The following FMNL2 variants were observed in gnomAD, a reference collection of about 807,000 sequenced individuals.
FMNL2 encodes the protein formin like 2.
Under a neutral mutation model 130.2 loss-of-function variants are expected in FMNL2, and 51 were observed. That is an observed-to-expected ratio of 0.39 (90% CI 0.31 to 0.49). The LOEUF is 0.49. Among genes scored for constraint, FMNL2 ranks in the 20% least tolerant of loss-of-function variants. The probability of loss-of-function intolerance (pLI) is 0.85; values close to 1 mark genes in which losing one functional copy is unlikely to be tolerated. For missense variants in FMNL2, 977 were observed against 1,316.2 expected (o/e 0.74, Z 3.99); for synonymous variants, 465 against 467.1 (o/e 1.00, Z 0.06).
chr2:152,357,182 A>ATCAGTTTAATGTATCACGATAAACATTAC (rs1560293901), intron 1 of FMNL2, among the ~76,000 whole-genome samples: 1 of 22,288 alleles, frequency 4.5e-5, no homozygotes, highest in Admixed American at 8.4e-4. Context: ...ATAAATATTA[A>ATCAGTTTAATGTATCACGATAAACATTAC]ATCAGTTTAA....
At chr2:152,537,556 G>A (rs1480044417) in intron 2 of FMNL2, among the ~76,000 whole-genome samples, 1 of 152,148 alleles carries the variant, frequency 6.6e-6, no homozygotes, top group Admixed American at 6.5e-5. Context: ...ACCTGCTGGG[G>A]TACATCCTGT....
rs114164031 is a variant in FMNL2 at position 152,362,938 on chromosome 2, A to G, written c.117+27218A>G. On this transcript the variant is annotated intron_variant, in intron 1 of 25. Transcript: ENST00000288670. ...ATGTCAAAGAAGCCAGTCACAAAAG[A>G]TTACATATTACATGATTCCATTTAT... Among the ~76,000 whole-genome samples the G allele has an allele frequency of 2.6e-3, 391 of 152,312 alleles. 1 individual carries two copies. The highest frequency in any genetic ancestry group is 9.2e-3 in the African/African-American group (381 of 41,568).
At chr2:152,496,869 C>T (rs1691543597) in intron 1 of FMNL2, among the ~76,000 whole-genome samples, 1 of 151,050 alleles carries the variant, frequency 6.6e-6, no homozygotes, top group Non-Finnish European at 1.5e-5. Context: ...CAATTTCTTA[C>T]TTTTGGTACC....
intron 1 of FMNL2, among the ~76,000 whole-genome samples, chr2:152,473,198 G>T (rs556127263): frequency 6.6e-6 from 1 of 152,224 alleles, no homozygotes; most frequent in East Asian, 1.9e-4. Context: ...TTGCACATTT[G>T]TATATGTATG....
At chr2:152,557,048 G>A (rs895573843) in intron 4 of FMNL2, among the ~76,000 whole-genome samples, 1 of 152,058 alleles carries the variant, frequency 6.6e-6, no homozygotes, top group African/African-American at 2.4e-5. Flanking sequence ...TTGAGTTCCA[G>A]ACTTTAAGTC....
intron 2 of FMNL2, among the ~76,000 whole-genome samples, chr2:152,534,799 G>A (rs1307023133): frequency 6.6e-6 from 1 of 152,098 alleles, no homozygotes; most frequent in Non-Finnish European, 1.5e-5. Context: ...CATTGAACTA[G>A]AATAAATTCT....
intron 1 of FMNL2, among the ~76,000 whole-genome samples, chr2:152,451,328 T>G (rs1173604182): frequency 6.6e-6 from 1 of 152,058 alleles, no homozygotes; most frequent in Non-Finnish European, 1.5e-5. Context: ...TTTTGTATCT[T>G]TAGTAGATAC....
chr2:152,539,827 A>G (rs1694202538), intron 2 of FMNL2, among the ~76,000 whole-genome samples: 1 of 152,196 alleles, frequency 6.6e-6, no homozygotes, highest in Admixed American at 6.5e-5. Context: ...AAATGAGTGA[A>G]TGCTACTGCG....
At chr2:152,512,865 G>A (rs1692562144) in intron 1 of FMNL2, among the ~76,000 whole-genome samples, 2 of 152,226 alleles carry the variant, frequency 1.3e-5, no homozygotes, top group South Asian at 4.1e-4. Flanking sequence ...GTCAGGAAAA[G>A]ATGGAGGTGC....
At chr2:152,394,045 C>T (rs1442761957) in intron 1 of FMNL2, among the ~76,000 whole-genome samples, 3 of 152,036 alleles carry the variant, frequency 2.0e-5, no homozygotes, top group Admixed American at 6.6e-5. Context: ...GTTTGCTGAC[C>T]CTTGTAATAG....
rs1436065363 is a variant in FMNL2 at position 152,644,262 on chromosome 2, G to C, written c.3169+3348G>C. ...AAAACAAAACATACTGTTCTAAGTA[G>C]GTTTACAGATATTAACCTAGCCCTT... is the stretch of plus-strand genomic sequence containing the variant. On this transcript the variant is annotated intron_variant, in intron 25 of 25. Transcript: ENST00000288670. Among the ~76,000 whole-genome samples the C allele has an allele frequency of 3.3e-5, 5 of 152,262 alleles. No homozygotes were observed. In the East Asian group the frequency reaches 9.6e-4, roughly 29 times the overall value.
At chr2:152,482,506 C>T (rs1233320057) in intron 1 of FMNL2, among the ~76,000 whole-genome samples, 2 of 152,132 alleles carry the variant, frequency 1.3e-5, no homozygotes, top group Admixed American at 6.5e-5. Flanking sequence ...TGGAAGTTTA[C>T]GATCAGTTTC....
intron 1 of FMNL2, among the ~76,000 whole-genome samples, chr2:152,518,122 T>C (rs1027602218): frequency 6.6e-6 from 1 of 152,228 alleles, no homozygotes; most frequent in East Asian, 1.9e-4. Context: ...AGTCTTGCCC[T>C]GAACAGCACA....
At chr2:152,364,261 GTTTTTTTTTT>G (rs869062341) in intron 1 of FMNL2, among the ~76,000 whole-genome samples, 217 of 24,480 alleles carry the variant, frequency 8.9e-3, no homozygotes, top group African/African-American at 0.027. Flanking sequence ...AGGTTTGTGT[GTTTTTTTTTT>G]TTTTTTTTTT....
intron 9 of FMNL2, among the ~76,000 whole-genome samples, chr2:152,596,395 T>G (rs1340440719): frequency 6.6e-6 from 1 of 152,208 alleles, no homozygotes; most frequent in Admixed American, 6.5e-5. Context: ...GTATGGTTGA[T>G]TCCCAAACAA....
At chr2:152,446,742 A>C (rs1041960643) in intron 1 of FMNL2, among the ~76,000 whole-genome samples, 1 of 152,226 alleles carries the variant, frequency 6.6e-6, no homozygotes, top group East Asian at 1.9e-4. Flanking sequence ...ATCTGCAGAT[A>C]TGCAAAGGAC....
intron 1 of FMNL2, among the ~76,000 whole-genome samples, chr2:152,516,704 A>G (rs939243830): frequency 6.6e-6 from 1 of 152,138 alleles, no homozygotes; most frequent in Non-Finnish European, 1.5e-5. Flanking sequence ...AATACCATGA[A>G]ACCAGGTCAG....
intron 2 of FMNL2, among the ~76,000 whole-genome samples, chr2:152,524,805 T>C (rs1042064528): frequency 6.6e-6 from 1 of 152,120 alleles, no homozygotes; most frequent in Non-Finnish European, 1.5e-5. Flanking sequence ...GCACAGTGGG[T>C]ACTGTGGATA....
intron 1 of FMNL2, among the ~76,000 whole-genome samples, chr2:152,349,650 A>T (rs934739194): frequency 4.1e-4 from 62 of 152,220 alleles, no homozygotes; most frequent in African/African-American, 1.5e-3. Context: ...GGGACTCAGG[A>T]TGTAGCTGGG....
Sources: allele counts gnomAD v4.1 joint callset (sites outside exome capture counted in the v4.1 genomes callset), GRCh38; gene constraint gnomAD v4.1.1; transcripts MANE v1.5; gene names NCBI Gene and HGNC (gene_info 2026-07-23, HGNC 2026-07-21).